The following PGAP1 variants were observed in gnomAD, a reference collection of about 807,000 sequenced individuals.
The protein encoded by PGAP1 is GPI inositol-deacylase.
In PGAP1, 76 loss-of-function variants were observed where a neutral mutation model predicts 127.0. The observed-to-expected ratio is 0.60, with a 90% confidence interval of 0.50 to 0.72. PGAP1 has a LOEUF of 0.72. Among genes scored for constraint, PGAP1 ranks in the 30% least tolerant of loss-of-function variants. The pLI, the probability that PGAP1 is intolerant of heterozygous loss-of-function variation, is 0.00. For synonymous variants in PGAP1, 362 were observed against 366.5 expected (o/e 0.99, Z 0.14); for missense variants, 982 against 1,071.3 (o/e 0.92, Z 1.16).
chr2:196,851,664 G>T (rs892501608), intron 20 of PGAP1, among the ~76,000 whole-genome samples: 10 of 152,080 alleles, frequency 6.6e-5, no homozygotes, highest in African/African-American at 2.4e-4. Flanking sequence ...CTTAGAACTG[G>T]TGTGCAGTAC....
chr2:196,880,051 A>G (rs2125806704), intron 13 of PGAP1, 25 bp downstream of exon 13: 3 of 1,530,462 alleles, frequency 2.0e-6, no homozygotes, highest in Middle Eastern at 3.4e-4. Flanking sequence ...AAACATTCTA[A>G]TAACAATCTT....
intron 19 of PGAP1, among the ~76,000 whole-genome samples, chr2:196,866,489 C>T (rs114500224): frequency 0.01 from 1,567 of 151,862 alleles, 22 homozygotes; most frequent in African/African-American, 0.035. Context: ...GATTAAAGAC[C>T]GAAAGTAAGA....
chr2:196,847,019 A>G lies in PGAP1; in HGVS notation c.2134T>C (p.Trp712Arg). The G allele has an allele frequency of 6.2e-7, 1 of 1,613,166 alleles. No individual in the cohort carries two copies. Among genetic ancestry groups the G allele is most frequent in the Non-Finnish European group, 8.5e-7 (1 of 1,179,456 alleles). ...ATTCTTTACCTTTTCAAAGCTAGCCACAATGAAGAAAGAAGTCTCACAGAT... is the reference window on the plus strand; with the variant it reads ...ATTCTTTACCTTTTCAAAGCTAGCCGCAATGAAGAAAGAAGTCTCACAGAT... ...SASVRLLSSL[W>R]LALKRPSELP... Residue 712 changes from tryptophan (W) to arginine (R), a missense_variant, in exon 22 of 27, where the codon TGG becomes CGG. Trp to Arg is a moderately radical substitution (Grantham distance 101, BLOSUM62 -3). Transcript: ENST00000354764.
At chr2:196,883,619 A>G (rs1701801515) in intron 12 of PGAP1, among the ~76,000 whole-genome samples, 1 of 152,228 alleles carries the variant, frequency 6.6e-6, no homozygotes, top group African/African-American at 2.4e-5. Flanking sequence ...CAAGTGTTGA[A>G]TTTATACGTG....
At chr2:196,877,829 T>C (rs961109581) in intron 13 of PGAP1, among the ~76,000 whole-genome samples, 8 of 152,206 alleles carry the variant, frequency 5.3e-5, no homozygotes, top group East Asian at 1.9e-4. Context: ...TCACTGAAGG[T>C]TGAGGATGCA....
intron 4 of PGAP1, among the ~76,000 whole-genome samples, 175 bp from the exon 5 acceptor site, chr2:196,902,917 T>G (rs1323396041): frequency 6.6e-6 from 1 of 152,166 alleles, no homozygotes; most frequent in Non-Finnish European, 1.5e-5. Context: ...TTTACACATA[T>G]TCCTACTTCC....
rs1024672928 is a variant in PGAP1, at chr2:196,872,679, T to C, written c.1620-130A>G. 4 of 656,670 alleles carry C rather than the reference T, an allele frequency of 6.1e-6. No individual in the cohort carries two copies. In the African/African-American group the frequency reaches 7.3e-5, roughly 12 times the overall value. 40.7% of individuals were successfully genotyped at this position (656,670 alleles called of 1,614,324 possible). On this transcript the variant is annotated intron_variant, in intron 17 of 26. Transcript: ENST00000354764. ...TAGGTGCCAGACACATAATTGTGGATGGGCACTTTTTCAATGATATCACAA... is the reference window on the plus strand; with the variant it reads ...TAGGTGCCAGACACATAATTGTGGACGGGCACTTTTTCAATGATATCACAA...
chr2:196,915,539 T>G (rs754163256), intron 3 of PGAP1, among the ~76,000 whole-genome samples: 4 of 152,212 alleles, frequency 2.6e-5, no homozygotes, highest in African/African-American at 4.8e-5. Context: ...ATCTTTCCAG[T>G]TGTTTAGCCA....
intron 20 of PGAP1, among the ~76,000 whole-genome samples, chr2:196,848,697 A>C (rs1700629557): frequency 6.6e-6 from 1 of 152,026 alleles, no homozygotes; most frequent in Admixed American, 6.5e-5. Context: ...TTATTTTTCC[A>C]TTCATCAATT....
Position 196,847,967 on chromosome 2 carries a change from A to G in PGAP1, c.1932T>C (p.Ile644=). 1 of 1,592,406 alleles carries G rather than the reference A, an allele frequency of 6.3e-7. No homozygotes were observed. The highest frequency in any genetic ancestry group is 2.3e-5 in the East Asian group (1 of 43,912). ...AKPYKVDPFV[I]IIKFLLGYKW... ...CTTACCCCAACAGAAACTTAATGAT[A>G]ATTACAAAAGGATCAACTTTGTATG... Residue 644 remains isoleucine (I), a synonymous_variant, in exon 21 of 27, where the codon ATT becomes ATC. Coordinates refer to ENST00000354764, the MANE Select transcript of PGAP1 (RefSeq NM_024989.4).
chr2:196,843,327 T>C (rs1196055399), intron 25 of PGAP1, among the ~76,000 whole-genome samples: 1 of 152,192 alleles, frequency 6.6e-6, no homozygotes, highest in East Asian at 1.9e-4. Context: ...CATCTGGATA[T>C]TGACTAAAAT....
chr2:196,895,380 C>A (rs1367251239), intron 7 of PGAP1, among the ~76,000 whole-genome samples: 1 of 152,108 alleles, frequency 6.6e-6, no homozygotes, highest in Admixed American at 6.5e-5. Context: ...CTTAAGTTTA[C>A]CAAACGTCAG....
chr2:196,872,444 G>T lies in PGAP1; in HGVS notation c.1725C>A (p.Tyr575Ter). 6.3e-7 allele frequency: 1 copy of T among 1,590,718 alleles called. No homozygotes were observed. The highest frequency in any genetic ancestry group is 8.6e-7 in the Non-Finnish European group (1 of 1,159,224). ...FKMYTSSDCR[Y>*]EVTVKTSFSQ... ...ATTAATCAAACATACAACTTACCTCGTACCGACAGTCTGATGACGTGTACA... is the reference window on the plus strand; with the variant it reads ...ATTAATCAAACATACAACTTACCTCTTACCGACAGTCTGATGACGTGTACA... Residue 575 changes from tyrosine (Y) to a stop codon, truncating the protein, a stop_gained, in exon 18 of 27, where the codon TAC (tyrosine) becomes TAA (stop). Coordinates refer to ENST00000354764, the MANE Select transcript of PGAP1 (RefSeq NM_024989.4). LOFTEE classifies it high-confidence loss of function.
intron 14 of PGAP1, chr2:196,873,984 G>C (rs1389841550): frequency 2.6e-6 from 1 of 390,740 alleles, no homozygotes; most frequent in Admixed American, 4.1e-5. Context: ...AAAAAGTCAG[G>C]TATATAATTC....
chr2:196,866,147 A>G (rs1020046639), intron 19 of PGAP1, among the ~76,000 whole-genome samples: 1 of 152,262 alleles, frequency 6.6e-6, no homozygotes, highest in African/African-American at 2.4e-5. Flanking sequence ...GAACCAAAAA[A>G]GAGCCAGCAT....
At chr2:196,864,851 G>A in intron 20 of PGAP1, 136 bp downstream of exon 20, 1 of 423,064 alleles carries the variant, frequency 2.4e-6, no homozygotes, top group Non-Finnish European at 4.2e-6. Flanking sequence ...TAAAAAGGGA[G>A]TTCTAAGAAC....
At chr2:196,898,087 C>T (rs914363916) in intron 6 of PGAP1, among the ~76,000 whole-genome samples, 1 of 152,104 alleles carries the variant, frequency 6.6e-6, no homozygotes, top group Non-Finnish European at 1.5e-5. Flanking sequence ...CATGATGGCA[C>T]ATGCCTGTAA....
chr2:196,876,199 A>C (rs1051180042), intron 13 of PGAP1, among the ~76,000 whole-genome samples: 4 of 152,128 alleles, frequency 2.6e-5, no homozygotes, highest in African/African-American at 9.6e-5. Flanking sequence ...TATGTCTCTT[A>C]ATACTTTCAT....
At chr2:196,867,305 A>G (rs1701274202) in intron 19 of PGAP1, among the ~76,000 whole-genome samples, 1 of 152,222 alleles carries the variant, frequency 6.6e-6, no homozygotes, top group African/African-American at 2.4e-5. Flanking sequence ...ATAAAAAAGG[A>G]TGAGTTCATG....
Sources: allele counts gnomAD v4.1 joint callset (sites outside exome capture counted in the v4.1 genomes callset), GRCh38; gene constraint gnomAD v4.1.1; transcripts MANE v1.5; gene names NCBI Gene and HGNC (gene_info 2026-07-23, HGNC 2026-07-21).